GNB1: variants seen among roughly 807,000 people sequenced by gnomAD.
The protein encoded by GNB1 is G protein subunit beta 1.
Under a neutral mutation model 42.9 loss-of-function variants are expected in GNB1, and 2 were observed. The observed-to-expected ratio is 0.05, with a 90% confidence interval of 0.02 to 0.15. The LOEUF (loss-of-function observed/expected upper bound fraction) is 0.15. Ranked by LOEUF, GNB1 falls within the 10% of genes least tolerant of loss-of-function variation. The pLI is 1.00. For synonymous variants in GNB1, 183 were observed against 174.7 expected, an observed-to-expected ratio of 1.05 and a Z score of -0.38; for missense variants, 193 against 462.2, an observed-to-expected ratio of 0.42 and a Z score of 5.34.
chr1:1,803,982 T>TAAA lies in GNB1; in HGVS notation c.430+434_430+436dup, dbSNP rs1491398910. The stretch of plus-strand genomic sequence containing the variant: ...GGGTGACATAGTGAGACTCTGTCTT[T>TAAA]AAAAAAAAAAAAAAAAAAAAAGAAA... On this transcript the variant is annotated intron_variant, in intron 7 of 11. Transcript: ENST00000378609. Among the ~76,000 whole-genome samples the TAAA allele has an allele frequency of 4.1e-4, 10 of 24,668 alleles. 2 individuals are homozygous for TAAA. Among genetic ancestry groups the TAAA allele is most frequent in the East Asian group, 8.9e-4 (1 of 1,128 alleles). The allele number at this position is 24,668 out of a possible 152,430, so 16.2% of individuals were successfully genotyped here.
chr1:1,864,936 G>A (rs1028850267), intron 1 of GNB1, among the ~76,000 whole-genome samples: 7 of 152,164 alleles, frequency 4.6e-5, no homozygotes, highest in Admixed American at 6.5e-5. Flanking sequence ...ACAGAGTTAT[G>A]AAGAGTATTG....
intron 3 of GNB1, among the ~76,000 whole-genome samples, chr1:1,821,792 A>G (rs918307524): frequency 6.6e-6 from 1 of 152,256 alleles, no homozygotes; most frequent in Non-Finnish European, 1.5e-5. Context: ...CTCAATTAAA[A>G]TGTATTAATT....
chr1:1,825,722 A>G (rs1466033340), intron 2 of GNB1, among the ~76,000 whole-genome samples: 1 of 152,100 alleles, frequency 6.6e-6, no homozygotes, highest in Non-Finnish European at 1.5e-5. Flanking sequence ...AAAATTAGCC[A>G]GGCATGGTGG....
At chr1:1,883,654 A>C (rs1044587119) in intron 1 of GNB1, among the ~76,000 whole-genome samples, 2 of 152,238 alleles carry the variant, frequency 1.3e-5, no homozygotes, top group Non-Finnish European at 2.9e-5. Context: ...GGACAGACAC[A>C]GAAGTCCTAA....
intron 1 of GNB1, among the ~76,000 whole-genome samples, chr1:1,843,671 C>G (rs938789686): frequency 3.3e-5 from 5 of 152,134 alleles, no homozygotes; most frequent in Non-Finnish European, 7.4e-5. Flanking sequence ...AACAAGATGA[C>G]CCAAATGTAT....
At chr1:1,844,412 G>C (rs1647508699) in intron 1 of GNB1, among the ~76,000 whole-genome samples, 1 of 149,482 alleles carries the variant, frequency 6.7e-6, no homozygotes, top group African/African-American at 2.5e-5. Flanking sequence ...AAAAGAAAAA[G>C]ATGGGCACTT....
intron 1 of GNB1, among the ~76,000 whole-genome samples, chr1:1,886,627 G>C (rs1460808765): frequency 1.3e-5 from 2 of 152,154 alleles, no homozygotes; most frequent in African/African-American, 2.4e-5. Flanking sequence ...ACACTTAACT[G>C]AATTGCCTAC....
intron 1 of GNB1, among the ~76,000 whole-genome samples, chr1:1,879,567 T>C (rs35386522): frequency 0.39 from 59,344 of 151,640 alleles, 14,318 homozygotes; most frequent in Admixed American, 0.55. Flanking sequence ...TAGCCAGGCG[T>C]GGTGGCAGGC....
chr1:1,880,596 T>A (rs12729990), intron 1 of GNB1, among the ~76,000 whole-genome samples: 59,032 of 150,946 alleles, frequency 0.39, 13,864 homozygotes, highest in Admixed American at 0.54. Flanking sequence ...AAAAAAAAAA[T>A]ATATATATAT....
intron 1 of GNB1, among the ~76,000 whole-genome samples, chr1:1,885,903 T>TA (rs1650128671): frequency 6.8e-6 from 1 of 146,672 alleles, no homozygotes; most frequent in African/African-American, 2.7e-5. Flanking sequence ...AACATTGCTC[T>TA]ATAAAACAGA....
At chr1:1,840,647 T>A (rs1002674681) in intron 1 of GNB1, among the ~76,000 whole-genome samples, 1 of 152,266 alleles carries the variant, frequency 6.6e-6, no homozygotes, top group Middle Eastern at 3.2e-3. Flanking sequence ...TTCATCTGAA[T>A]CTCAAGGAAG....
intron 1 of GNB1, among the ~76,000 whole-genome samples, chr1:1,862,829 C>T (rs537893724): frequency 2.2e-4 from 34 of 152,252 alleles, no homozygotes; most frequent in Non-Finnish European, 3.7e-4. Flanking sequence ...GAGGGCTCCC[C>T]GGTAAGGTAT....
intron 5 of GNB1, among the ~76,000 whole-genome samples, chr1:1,815,119 A>T (rs1318018514): frequency 1.3e-5 from 2 of 151,988 alleles, no homozygotes; most frequent in Admixed American, 1.3e-4. Flanking sequence ...CTTTAAAAAA[A>T]AAAAAAAAAA....
intron 7 of GNB1, among the ~76,000 whole-genome samples, chr1:1,800,507 GA>G (rs1646609114): frequency 6.6e-6 from 1 of 152,116 alleles, no homozygotes; most frequent in African/African-American, 2.4e-5. Flanking sequence ...CAAATCTGAA[GA>G]AGTGGGAAAG....
chr1:1,855,424 G>A (rs556773607), intron 1 of GNB1, among the ~76,000 whole-genome samples: 2 of 151,976 alleles, frequency 1.3e-5, no homozygotes, highest in African/African-American at 2.4e-5. Flanking sequence ...ACTCCCGGCC[G>A]GGCGCGGTGG....
Position 1,789,042 on chromosome 1 carries a change from T to C in GNB1, c.916+11A>G. On this transcript the variant is annotated intron_variant, in intron 10 of 11. Coordinates refer to ENST00000378609, the MANE Select transcript of GNB1 (RefSeq NM_002074.5). ...GTCCACAAGACACAGAAAGGCCCCATGGCCACGTACCTGCCCGGTCGGCTT... is the reference window on the plus strand; with the variant it reads ...GTCCACAAGACACAGAAAGGCCCCACGGCCACGTACCTGCCCGGTCGGCTT... 1 of 1,600,030 alleles carries C rather than the reference T, an allele frequency of 6.2e-7. No homozygotes were observed. The highest frequency in any genetic ancestry group is 1.1e-5 in the South Asian group (1 of 90,836).
intron 5 of GNB1, among the ~76,000 whole-genome samples, chr1:1,814,348 A>G (rs1465854121): frequency 1.3e-5 from 2 of 152,248 alleles, no homozygotes; most frequent in Non-Finnish European, 2.9e-5. Context: ...CAGGTGCTTC[A>G]ACGAGCATGT....
intron 1 of GNB1, among the ~76,000 whole-genome samples, chr1:1,856,433 T>C (rs1268559354): frequency 6.6e-6 from 1 of 151,898 alleles, no homozygotes; most frequent in African/African-American, 2.4e-5. Flanking sequence ...CGGAATTTCT[T>C]TCTTTCTTTT....
intron 2 of GNB1, among the ~76,000 whole-genome samples, chr1:1,833,061 G>C (rs1048500708): frequency 6.6e-6 from 1 of 152,116 alleles, no homozygotes; most frequent in African/African-American, 2.4e-5. Context: ...CCACCAAGCA[G>C]CAACAGGGCA....
Sources: gnomAD v4.1 joint callset for allele counts (sites outside exome capture counted in the v4.1 genomes callset) on GRCh38, gnomAD v4.1.1 for gene constraint, MANE v1.5 for transcripts, NCBI Gene and HGNC (gene_info 2026-07-23, HGNC 2026-07-21) for gene names.